The following SEC22C variants were observed in gnomAD, a reference collection of about 807,000 sequenced individuals.
The protein encoded by SEC22C is SEC22 homolog C, vesicle trafficking protein.
Under a neutral mutation model 34.7 loss-of-function variants are expected in SEC22C, and 29 were observed. That is an observed-to-expected ratio of 0.84 (90% CI 0.62 to 1.14). The LOEUF (loss-of-function observed/expected upper bound fraction) is 1.14. Among genes scored for constraint, SEC22C ranks in the 50% most tolerant of loss-of-function variants. The pLI is 0.00. For missense variants in SEC22C, 337 were observed against 369.0 expected (o/e 0.91, Z 0.71); for synonymous variants, 117 against 132.8 (o/e 0.88, Z 0.82).
At chr3:42,597,605 A>T (rs1469367533) in intron 1 of SEC22C, among the ~76,000 whole-genome samples, 2 of 151,806 alleles carry the variant, frequency 1.3e-5, no homozygotes, top group Non-Finnish European at 2.9e-5. Context: ...GTCAGAAATG[A>T]TCTAAGTCAA....
At chr3:42,577,004 T>G (rs941207430) in intron 1 of SEC22C, among the ~76,000 whole-genome samples, 11 of 152,066 alleles carry the variant, frequency 7.2e-5, no homozygotes, top group African/African-American at 2.7e-4. Context: ...TTTTACAAAG[T>G]GCAAAAGTAA....
intron 1 of SEC22C, among the ~76,000 whole-genome samples, chr3:42,575,873 G>A (rs1577345051): frequency 6.6e-6 from 1 of 152,196 alleles, no homozygotes; most frequent in East Asian, 1.9e-4. Flanking sequence ...TGTAATCTCA[G>A]CCCTCTGGGA....
In SEC22C at chr3:42,548,669, C is replaced by G. The variant is rs776699686; in HGVS notation, c.*4579G>C. The G allele has an allele frequency of 3.7e-6, 6 of 1,614,058 alleles. No homozygotes were observed. The highest frequency in any genetic ancestry group is 1.7e-5 in the Admixed American group (1 of 60,024). On this transcript the variant is annotated 3_prime_UTR_variant, in exon 7 of 7. Transcript: ENST00000264454. Reference sequence around the variant, plus strand: ...CAGCTCCTTGGATCCTGGAATAAACCAAACATCAATGGTACCATGCGCTCT... The same window carrying G: ...CAGCTCCTTGGATCCTGGAATAAACGAAACATCAATGGTACCATGCGCTCT...
chr3:42,565,793 C>T (rs1255944526), intron 2 of SEC22C: 2 of 433,690 alleles, frequency 4.6e-6, no homozygotes, highest in African/African-American at 2.1e-5. Context: ...AGAACGAATT[C>T]TGTTGTTTGA....
In SEC22C at chr3:42,557,671, CA is replaced by C. The variant is rs1438638806; in HGVS notation, c.551del (p.Val184GlyfsTer18). ...TGAGGGAGAGGATACCCAGGGCTGT[CA>C]CTGGTTCCATTCGGAAATTAGGAGC... is the stretch of plus-strand genomic sequence containing the variant. ...EPAPNFRMEPVTALGILSLIL... is the reference protein window; with the variant it reads ...EPAPNFRMEPXTALGILSLIL... On this transcript the variant is annotated frameshift_variant, in exon 5 of 7. Transcript: ENST00000264454. LOFTEE classifies it high-confidence loss of function. 1 of 1,607,222 alleles carries C rather than the reference CA, an allele frequency of 6.2e-7. No homozygotes were observed. The highest frequency in any genetic ancestry group is 2.2e-5 in the East Asian group (1 of 44,792).
intron 1 of SEC22C, chr3:42,591,551 C>T (rs1234424586): frequency 1.2e-6 from 2 of 1,613,926 alleles, no homozygotes; most frequent in South Asian, 1.1e-5. Context: ...ACCAGCTGAT[C>T]CGCTGTATTG....
Position 42,590,784 on chromosome 3 carries a change from G to A in SEC22C, c.-28+10176C>T, listed in dbSNP as rs878883502. The stretch of plus-strand genomic sequence containing the variant: ...TCTTGCGCGTCCAGTCACAAATGAC[G>A]TCCCTTCTGTACCCCGCCCTGTAGG... On this transcript the variant is annotated intron_variant, in intron 1 of 6. Coordinates refer to the SEC22C transcript ENST00000417572. The A allele has an allele frequency of 3.0e-5, 32 of 1,080,918 alleles. 1 individual carries two copies. In the South Asian group the frequency reaches 4.0e-4, roughly 13 times the overall value. 67.0% of individuals were successfully genotyped at this position (1,080,918 alleles called of 1,614,324 possible).
intron 1 of SEC22C, among the ~76,000 whole-genome samples, chr3:42,578,939 A>G (rs1455954149): frequency 1.3e-5 from 2 of 152,124 alleles, no homozygotes; most frequent in Non-Finnish European, 2.9e-5. Context: ...TAATCTCAGG[A>G]CTCTTTGAAA....
At chr3:42,567,203 A>G (rs1281609127) in intron 2 of SEC22C, among the ~76,000 whole-genome samples, 2 of 152,258 alleles carry the variant, frequency 1.3e-5, no homozygotes, top group African/African-American at 4.8e-5. Flanking sequence ...CACCCAGCTA[A>G]GACCCTGTCT....
rs1702606509 is a variant in SEC22C, at chr3:42,557,609, C to T, written c.614G>A (p.Arg205Gln). 3 of 1,600,076 alleles carry T rather than the reference C, an allele frequency of 1.9e-6. No individual in the cohort carries two copies. Among genetic ancestry groups the T allele is most frequent in the African/African-American group, 1.4e-5 (1 of 73,938 alleles). The change falls in exon 5 of 7, where the codon CGA (arginine) becomes CAA (glutamine). Residue 205 changes from arginine (R) to glutamine (Q), a missense_variant. Physicochemically the swap from Arg to Gln is conservative, Grantham distance 43 (BLOSUM62 1). Transcript: ENST00000264454. The part of the protein sequence containing the change: ...NIMCAALNLI[R>Q]GVHLAEHSLQ... ...AGAATGTTCTGCAAGGTGAACTCCT[C>T]GAATGAGATTCAGGGCAGCACACAT... is the stretch of plus-strand genomic sequence containing the variant.
At position 42,563,547 on chromosome 3, in the gene SEC22C, T is replaced by G. The variant is rs907013582; in HGVS notation, c.322A>C (p.Arg108=). The G allele has an allele frequency of 8.1e-6, 13 of 1,614,014 alleles. No individual in the cohort carries two copies. The highest frequency in any genetic ancestry group is 1.1e-5 in the Non-Finnish European group (13 of 1,179,922). ...CCAAACTCAAGAAAAGCGTATGGCCTGGAGGCTAGGCCAATGCAGGTAGTG... is the reference window on the plus strand; with the variant it reads ...CCAAACTCAAGAAAAGCGTATGGCCGGGAGGCTAGGCCAATGCAGGTAGTG... ...YDTTCIGLAS[R]PYAFLEFDSI... The change falls in exon 3 of 7, where the codon AGG becomes CGG. Residue 108 remains arginine (R), a synonymous_variant. Transcript: ENST00000264454.
intron 1 of SEC22C, among the ~76,000 whole-genome samples, chr3:42,593,697 A>G (rs1325179988): frequency 6.6e-6 from 1 of 152,176 alleles, no homozygotes; most frequent in African/African-American, 2.4e-5. Context: ...CTATAAGGAA[A>G]TGTATAATTA....
At chr3:42,600,728 A>C in intron 1 of SEC22C, 1 of 299,476 alleles carries the variant, frequency 3.3e-6, no homozygotes. Context: ...CTGCAGTGGC[A>C]GTGCTTTCTC....
upstream of SEC22C, among the ~76,000 whole-genome samples, chr3:42,583,538 G>C (rs1330562731): frequency 6.6e-6 from 1 of 152,222 alleles, no homozygotes; most frequent in Non-Finnish European, 1.5e-5. Flanking sequence ...GCACCTTTGA[G>C]ACTTGGTTAG....
intron 1 of SEC22C, among the ~76,000 whole-genome samples, chr3:42,571,287 T>C (rs2125715527): frequency 6.6e-6 from 1 of 152,322 alleles, no homozygotes; most frequent in East Asian, 1.9e-4. Context: ...AAACTTGCTT[T>C]TCCTCAAATA....
In SEC22C at chr3:42,589,804, G is replaced by C. The variant is rs180976654; in HGVS notation, c.-28+11156C>G. The stretch of plus-strand genomic sequence containing the variant: ...TTGTCTTCCACGAAACCAATTCCTG[G>C]TGCCAAAAAGGCTGGGGACCACTGG... On this transcript the variant is annotated intron_variant, in intron 1 of 6. Coordinates refer to the SEC22C transcript ENST00000417572. Among the ~76,000 whole-genome samples, 11 of 152,284 alleles carry C rather than the reference G, an allele frequency of 7.2e-5. No homozygotes were observed. In the East Asian group the frequency reaches 2.1e-3, roughly 29 times the overall value.
chr3:42,599,625 G>A (rs1473854835), intron 1 of SEC22C, among the ~76,000 whole-genome samples: 2 of 151,058 alleles, frequency 1.3e-5, no homozygotes, highest in Admixed American at 6.6e-5. Flanking sequence ...CCGGGAGGCG[G>A]AGCTTGCAGT....
upstream of SEC22C, among the ~76,000 whole-genome samples, chr3:42,583,722 A>G (rs1464460185): frequency 1.3e-5 from 2 of 152,184 alleles, no homozygotes; most frequent in Non-Finnish European, 2.9e-5. Context: ...CGCAGGCACC[A>G]CATAATAGAA....
chr3:42,582,559 T>C (rs570426521), upstream of SEC22C, among the ~76,000 whole-genome samples: 2 of 152,360 alleles, frequency 1.3e-5, no homozygotes, highest in African/African-American at 4.8e-5. Context: ...ATTGAGCACC[T>C]GCTATGTGCC....
Sources: gnomAD v4.1 joint callset for allele counts (sites outside exome capture counted in the v4.1 genomes callset) on GRCh38, gnomAD v4.1.1 for gene constraint, MANE v1.5 for transcripts, NCBI Gene and HGNC (gene_info 2026-07-23, HGNC 2026-07-21) for gene names.